TRMT13: variants seen among roughly 807,000 people sequenced by gnomAD.
TRMT13 encodes tRNA methyltransferase 13.
TRMT13 carries 45 observed loss-of-function variants against 55.9 expected under a neutral mutation model. That is an observed-to-expected ratio of 0.80 (90% CI 0.63 to 1.03). TRMT13 has a LOEUF of 1.03. Ranked by LOEUF, TRMT13 falls within the 50% of genes least tolerant of loss-of-function variation. The probability of loss-of-function intolerance (pLI) is 0.00; values close to 1 mark genes in which losing one functional copy is unlikely to be tolerated. For missense variants in TRMT13, 513 were observed against 563.9 expected (o/e 0.91, Z 0.91); for synonymous variants, 183 against 196.3 (o/e 0.93, Z 0.57).
intron 1 of TRMT13, among the ~76,000 whole-genome samples, chr1:100,133,833 G>T (rs1335149223): frequency 6.6e-6 from 1 of 152,146 alleles, no homozygotes; most frequent in Non-Finnish European, 1.5e-5. Flanking sequence ...ATCACTTGAG[G>T]TCAGGAGCTC....
rs771068741 is a variant in TRMT13, at chr1:100,140,395, A to G, written c.395-13A>G. The G allele has an allele frequency of 1.9e-6, 3 of 1,608,468 alleles. No individual in the cohort carries two copies. The highest frequency in any genetic ancestry group is 2.2e-5 in the East Asian group (1 of 44,806). ...TTTGGCTGCTTAAGCTGTTGTGCTT[A>G]TATTTGGCACAGGCTTGAATTCTAC... On this transcript the variant is annotated splice_polypyrimidine_tract_variant and intron_variant, in intron 5 of 10. Transcript: ENST00000370141.
At chr1:100,146,423 T>G (rs1251474385) in intron 9 of TRMT13, among the ~76,000 whole-genome samples, 2 of 152,230 alleles carry the variant, frequency 1.3e-5, no homozygotes, top group Non-Finnish European at 2.9e-5. Flanking sequence ...TTTCTGCATA[T>G]GTGGCTTTGT....
rs1038317230 is a variant in TRMT13 at position 100,133,228 on chromosome 1, T to C, written c.60T>C (p.Gly20=). 1.2e-6 allele frequency: 2 copies of C among 1,613,770 alleles called. No individual in the cohort carries two copies. Among genetic ancestry groups the C allele is most frequent in the African/African-American group, 2.7e-5 (2 of 74,796 alleles). ...GTTTTCCAGCTGAGGGTAGATGCGGTTACTATGTGGAAAAGAAGAAACGGT... is the reference window on the plus strand; with the variant it reads ...GTTTTCCAGCTGAGGGTAGATGCGGCTACTATGTGGAAAAGAAGAAACGGT... ...APGFPAEGRC[G]YYVEKKKRFC... is the part of the protein sequence containing the mutation. The change falls in exon 1 of 11, where the codon GGT becomes GGC. Residue 20 remains glycine (G), a synonymous_variant. Coordinates refer to ENST00000370141, the MANE Select transcript of TRMT13 (RefSeq NM_019083.3).
chr1:100,136,855 A>T, intron 1 of TRMT13, 27 bp from the exon 2 acceptor site: 2 of 1,540,614 alleles, frequency 1.3e-6, no homozygotes, highest in Non-Finnish European at 1.8e-6. Context: ...TATTTTATTT[A>T]AATAAATGTA....
chr1:100,149,585 A>G lies in TRMT13; in HGVS notation c.*765A>G. 1 of 622,898 alleles carries G rather than the reference A, an allele frequency of 1.6e-6. No homozygotes were observed. The highest frequency in any genetic ancestry group is 2.6e-6 in the Non-Finnish European group (1 of 378,198). 38.6% of individuals were successfully genotyped at this position (622,898 alleles called of 1,614,324 possible). On this transcript the variant is annotated 3_prime_UTR_variant, in exon 11 of 11. Transcript: ENST00000370141. ...GCTATCTCATATCTTTTATCAGGTC[A>G]TTTTTTATATATGTAGGCACAAACA...
chr1:100,140,937 T>C lies in TRMT13; in HGVS notation c.587T>C (p.Leu196Ser), dbSNP rs375500247. ...FVEFGAGKGK[L>S]SHWVDIALKD... ...GAGTTTGGAGCGGGAAAGGGAAAAT[T>C]ATCTCATTGGGTTGATATTGCCTTA... Residue 196 changes from leucine to serine, a missense_variant, in exon 7 of 11, where the codon TTA becomes TCA. Leu to Ser is a moderately radical substitution (Grantham distance 145). Coordinates refer to ENST00000370141, the MANE Select transcript of TRMT13 (RefSeq NM_019083.3). 2 of 1,613,746 alleles carry C rather than the reference T, an allele frequency of 1.2e-6. No homozygotes were observed. The highest frequency in any genetic ancestry group is 1.7e-6 in the Non-Finnish European group (2 of 1,179,868).
chr1:100,139,589 G>GT, intron 3 of TRMT13, 60 bp from the exon 4 acceptor site: 1 of 1,028,108 alleles, frequency 9.7e-7, no homozygotes, highest in Non-Finnish European at 1.5e-6. Flanking sequence ...CAGTATTTTA[G>GT]TTTAATTTTT....
At chr1:100,143,696 C>T (rs997321342) in intron 8 of TRMT13, among the ~76,000 whole-genome samples, 41 of 152,170 alleles carry the variant, frequency 2.7e-4, no homozygotes, top group African/African-American at 9.9e-4. Flanking sequence ...CACATACACA[C>T]ACAAACTCCT....
Position 100,141,199 on chromosome 1 carries a change from C to CT in TRMT13, c.669+181dup, listed in dbSNP as rs767219055. Among the ~76,000 whole-genome samples, 52 of 152,216 alleles carry CT rather than the reference C, an allele frequency of 3.4e-4. 1 individual carries two copies. The highest frequency in any genetic ancestry group is 3.4e-3 in the Middle Eastern group (1 of 294). On this transcript the variant is annotated intron_variant, in intron 7 of 10. Coordinates refer to ENST00000370141, the MANE Select transcript of TRMT13 (RefSeq NM_019083.3). ...TCAAACTGAAGGTGAATTTTTTAAT[C>CT]TAAGTTTTGATAGTCCATTGATCTG...
intron 3 of TRMT13, 54 bp downstream of exon 3, chr1:100,137,139 G>A: frequency 7.1e-7 from 1 of 1,401,282 alleles, no homozygotes; most frequent in Admixed American, 1.9e-5. Flanking sequence ...TAATGCCTTG[G>A]TAGATGCTGC....
At chr1:100,148,358 A>G in intron 10 of TRMT13, 32 bp downstream of exon 10, 2 of 1,578,894 alleles carry the variant, frequency 1.3e-6, no homozygotes, top group Non-Finnish European at 1.7e-6. Flanking sequence ...GCATGATACT[A>G]AAGGAGAAAT....
At position 100,148,213 on chromosome 1, in the gene TRMT13, T is replaced by C. The variant is rs201741053; in HGVS notation, c.1137T>C (p.Ser379=). ...CAACTTGTGGGATGCGGAAAACATC[T>C]TTGGAAACCTCAAATAGTACCACAA... ...SWATCGMRKT[S]LETSNSTTKR... Residue 379 remains serine (S), a synonymous_variant, in exon 10 of 11, where the codon TCT becomes TCC. Coordinates refer to ENST00000370141, the MANE Select transcript of TRMT13 (RefSeq NM_019083.3). 2 of 1,614,144 alleles carry C rather than the reference T, an allele frequency of 1.2e-6. No individual in the cohort carries two copies. Among genetic ancestry groups the C allele is most frequent in the Non-Finnish European group, 1.7e-6 (2 of 1,180,020 alleles).
At chr1:100,142,682 T>C (rs114571447) in intron 7 of TRMT13, among the ~76,000 whole-genome samples, 1,707 of 152,216 alleles carry the variant, frequency 0.011, 32 homozygotes, top group African/African-American at 0.04. Flanking sequence ...TAGTTCACAA[T>C]TGAGTATGTG....
chr1:100,135,517 A>T (rs1024010396), intron 1 of TRMT13, among the ~76,000 whole-genome samples: 1 of 152,214 alleles, frequency 6.6e-6, no homozygotes, highest in Non-Finnish European at 1.5e-5. Flanking sequence ...CACTTACTCT[A>T]TGTACAGCAC....
intron 9 of TRMT13, among the ~76,000 whole-genome samples, chr1:100,145,404 T>C (rs1657123083): frequency 6.6e-6 from 1 of 152,162 alleles, no homozygotes; most frequent in African/African-American, 2.4e-5. Flanking sequence ...ATTTCTCATG[T>C]TCCACATAAT....
At chr1:100,138,493 T>C (rs1344017644) in intron 3 of TRMT13, among the ~76,000 whole-genome samples, 1 of 152,208 alleles carries the variant, frequency 6.6e-6, no homozygotes, top group Non-Finnish European at 1.5e-5. Flanking sequence ...TAAAACATTG[T>C]AATTCCTGCA....
At chr1:100,136,762 T>C (rs1655929177) in intron 1 of TRMT13, 120 bp from the exon 2 acceptor site, 4 of 955,764 alleles carry the variant, frequency 4.2e-6, no homozygotes, top group South Asian at 3.8e-5. Flanking sequence ...CTTTTCATTA[T>C]GTCCTTGTAA....
chr1:100,138,113 C>T (rs191223893), intron 3 of TRMT13, among the ~76,000 whole-genome samples: 4 of 152,152 alleles, frequency 2.6e-5, no homozygotes, highest in East Asian at 1.9e-4. Context: ...TGGAGAAAAG[C>T]GGTGGAATGA....
At position 100,140,812 on chromosome 1, in the gene TRMT13, GTTTACTCTAGT is replaced by G. The variant is rs765945550; in HGVS notation, c.502-37_502-27del. ...CTGTTTTCCCATTTGAACCAAATGT[GTTTACTCTAGT>G]TTATAAAATAATCTTGTGAAGTTTG... On this transcript the variant is annotated intron_variant, in intron 6 of 10. Transcript: ENST00000370141. 10 of 1,570,342 alleles carry G rather than the reference GTTTACTCTAGT, an allele frequency of 6.4e-6. No homozygotes were observed. In the Admixed American group the frequency reaches 1.6e-4, roughly 25 times the overall value.
Sources: gnomAD v4.1 joint callset for allele counts (sites outside exome capture counted in the v4.1 genomes callset) on GRCh38, gnomAD v4.1.1 for gene constraint, MANE v1.5 for transcripts, NCBI Gene and HGNC (gene_info 2026-07-23, HGNC 2026-07-21) for gene names.